Variants in NRCAM observed in about 807,000 individuals in gnomAD.
NRCAM encodes NgCAM-related cell adhesion molecule.
In NRCAM, 83 loss-of-function variants were observed where a neutral mutation model predicts 156.5. The ratio of observed to expected loss-of-function variants is 0.53; its 90% CI spans 0.44 to 0.64. NRCAM has a LOEUF of 0.64. Ranked by LOEUF, NRCAM falls within the 30% of genes least tolerant of loss-of-function variation. The pLI is 0.00. For synonymous variants in NRCAM, 538 were observed against 563.9 expected, an observed-to-expected ratio of 0.95 and a Z score of 0.65; for missense variants, 1,417 against 1,597.3, an observed-to-expected ratio of 0.89 and a Z score of 1.92.
rs1045308060 is a variant in NRCAM, at chr7:108,147,859, G to A, written c.*2051C>T. ...ACCCTTTCATGCACAGATAAATTTC[G>A]CATCTACCAGTATGGAAGAGGAAAA... On this transcript the variant is annotated 3_prime_UTR_variant, in exon 33 of 33. Transcript: ENST00000379028. The A allele has an allele frequency of 2.6e-5, 4 of 152,526 alleles. No homozygotes were observed. The highest frequency in any genetic ancestry group is 7.2e-5 in the African/African-American group (3 of 41,406). 9.4% of individuals were successfully genotyped at this position (152,526 alleles called of 1,614,324 possible).
At chr7:108,260,084 C>T (rs2096835264) in intron 3 of NRCAM, among the ~76,000 whole-genome samples, 2 of 151,894 alleles carry the variant, frequency 1.3e-5, no homozygotes, top group South Asian at 4.2e-4. Flanking sequence ...GGAAGAGTGC[C>T]TGATATCTTT....
intron 2 of NRCAM, among the ~76,000 whole-genome samples, chr7:108,337,934 A>G (rs533494347): frequency 6.6e-6 from 1 of 152,296 alleles, no homozygotes; most frequent in African/African-American, 2.4e-5. Context: ...GGAGGAAAAT[A>G]CCGGACACCT....
At chr7:108,191,991 A>G (rs574444691) in intron 17 of NRCAM, 138 bp from the exon 18 acceptor site, 5 of 886,138 alleles carry the variant, frequency 5.6e-6, no homozygotes, top group African/African-American at 3.3e-5. Context: ...AGCAAAATAC[A>G]TATCACTTTA....
chr7:108,260,618 C>G (rs1051918418), intron 3 of NRCAM, among the ~76,000 whole-genome samples: 4 of 152,084 alleles, frequency 2.6e-5, no homozygotes, highest in African/African-American at 9.7e-5. Flanking sequence ...AGATTCACCC[C>G]CTTGCTCCTC....
chr7:108,195,581 A>C (rs1273763003), intron 15 of NRCAM, among the ~76,000 whole-genome samples, 180 bp downstream of exon 15: 1 of 151,832 alleles, frequency 6.6e-6, no homozygotes, highest in Non-Finnish European at 1.5e-5. Context: ...GTGCCACTGC[A>C]CTCCAGCCTG....
At chr7:108,354,723 C>T (rs1269510029) in intron 2 of NRCAM, among the ~76,000 whole-genome samples, 3 of 151,716 alleles carry the variant, frequency 2.0e-5, no homozygotes, top group South Asian at 4.2e-4. Flanking sequence ...GGAGAAACCC[C>T]GTCTTTATTA....
intron 2 of NRCAM, among the ~76,000 whole-genome samples, chr7:108,321,202 C>T (rs1317826705): frequency 6.6e-6 from 1 of 152,190 alleles, no homozygotes; most frequent in Non-Finnish European, 1.5e-5. Flanking sequence ...AGCCAGGGAA[C>T]GTTCCCAAGG....
In NRCAM at chr7:108,445,843, G is replaced by A. The variant is rs1013534225; in HGVS notation, c.-332+10400C>T. ...CCCCTATAACCCACTAACTAGTTAC[G>A]AAAGGCCATGCTGTAGTTCAACTCA... On this transcript the variant is annotated intron_variant, in intron 1 of 32. Coordinates refer to ENST00000379028, the MANE Select transcript of NRCAM (RefSeq NM_001037132.4). Among the ~76,000 whole-genome samples, 3 of 152,106 alleles carry A rather than the reference G, an allele frequency of 2.0e-5. No homozygotes were observed. In the East Asian group the frequency reaches 5.8e-4, roughly 29 times the overall value.
chr7:108,169,705 G>T (rs937176366), intron 28 of NRCAM, among the ~76,000 whole-genome samples: 1 of 152,166 alleles, frequency 6.6e-6, no homozygotes, highest in Non-Finnish European at 1.5e-5. Context: ...TTAGTTTTCC[G>T]AGATTTTCTT....
At chr7:108,204,607 C>G (rs558023806) in intron 13 of NRCAM, among the ~76,000 whole-genome samples, 1 of 152,212 alleles carries the variant, frequency 6.6e-6, no homozygotes, top group Non-Finnish European at 1.5e-5. Flanking sequence ...CTGGTGGTGC[C>G]GGGCTCCTTG....
intron 3 of NRCAM, among the ~76,000 whole-genome samples, chr7:108,305,269 T>TG (rs2098698437): frequency 6.6e-6 from 1 of 152,196 alleles, no homozygotes; most frequent in African/African-American, 2.4e-5. Flanking sequence ...TATCTATAGT[T>TG]GGATTCTCAG....
At chr7:108,378,345 G>A (rs925910408) in intron 2 of NRCAM, among the ~76,000 whole-genome samples, 4 of 151,928 alleles carry the variant, frequency 2.6e-5, no homozygotes, top group African/African-American at 9.7e-5. Context: ...AAGTAAACAA[G>A]TTAATAAGAC....
At chr7:108,394,014 G>A (rs2099769784) in intron 2 of NRCAM, among the ~76,000 whole-genome samples, 1 of 152,124 alleles carries the variant, frequency 6.6e-6, no homozygotes, top group Non-Finnish European at 1.5e-5. Flanking sequence ...AGAGAAGTTG[G>A]GCCGTGGTGC....
At chr7:108,229,328 T>C (rs560981893) in intron 8 of NRCAM, among the ~76,000 whole-genome samples, 5 of 152,324 alleles carry the variant, frequency 3.3e-5, no homozygotes, top group South Asian at 2.1e-4. Flanking sequence ...AGTGATGTGA[T>C]TGTAGCTCAC....
chr7:108,256,790 C>T (rs192777699), intron 3 of NRCAM, among the ~76,000 whole-genome samples: 16 of 152,056 alleles, frequency 1.1e-4, no homozygotes, highest in Admixed American at 7.9e-4. Flanking sequence ...CCAAGGCGGG[C>T]GGATTACTTG....
intron 4 of NRCAM, among the ~76,000 whole-genome samples, chr7:108,239,647 G>A (rs528624809): frequency 3.3e-5 from 5 of 152,194 alleles, no homozygotes; most frequent in African/African-American, 1.2e-4. Context: ...CTAAAGAGCC[G>A]CCTGTTGGGA....
Position 108,181,835 on chromosome 7 carries a change from A to C in NRCAM, c.2633T>G (p.Leu878Arg), listed in dbSNP as rs2063670469. ...PVPLKSIRGH[L>R]QGYRIYYWKT... is the part of the protein sequence containing the mutation. Reference sequence around the variant, plus strand: ...CCTTTCACTTGCCCGATAGCCTTGTAGGTGTCCTCGGATGCTTTTCAGAGG... The same window carrying C: ...CCTTTCACTTGCCCGATAGCCTTGTCGGTGTCCTCGGATGCTTTTCAGAGG... Residue 878 changes from leucine to arginine, a missense_variant, in exon 24 of 33, where the codon CTA becomes CGA. Around this residue, in one of 2 missense-constraint regions of NRCAM, gnomAD observed 1,238 missense variants for 1,336.4 expected, o/e 0.93. Coordinates refer to ENST00000379028, the MANE Select transcript of NRCAM (RefSeq NM_001037132.4). The C allele has an allele frequency of 1.2e-6, 2 of 1,613,212 alleles. No individual in the cohort carries two copies. The highest frequency in any genetic ancestry group is 2.2e-5 in the South Asian group (2 of 91,038).
At chr7:108,312,372 T>C (rs1447189660) in intron 3 of NRCAM, among the ~76,000 whole-genome samples, 1 of 152,164 alleles carries the variant, frequency 6.6e-6, no homozygotes, top group East Asian at 1.9e-4. Flanking sequence ...AGCAGTGCTT[T>C]GCCTCTGCTC....
At chr7:108,165,857 C>A (rs2053747775) in intron 30 of NRCAM, among the ~76,000 whole-genome samples, 1 of 152,192 alleles carries the variant, frequency 6.6e-6, no homozygotes, top group South Asian at 2.1e-4. Context: ...AGGATATGCA[C>A]ATTTCTTTAA....
Sources: gnomAD v4.1 joint callset for allele counts (sites outside exome capture counted in the v4.1 genomes callset) on GRCh38, gnomAD v4.1.1 for gene constraint, gnomAD v4.1.1 regional missense constraint, MANE v1.5 for transcripts, NCBI Gene and HGNC (gene_info 2026-07-23, HGNC 2026-07-21) for gene names.